Variants in TACR1 observed in about 807,000 individuals in gnomAD.
TACR1 encodes the protein substance-P receptor.
TACR1 carries 25 observed loss-of-function variants against 35.8 expected under a neutral mutation model. The observed-to-expected ratio is 0.70, with a 90% CI of 0.51 to 0.98. TACR1 has a LOEUF of 0.98. Among genes scored for constraint, TACR1 ranks in the 50% least tolerant of loss-of-function variants. The pLI is 0.00. For synonymous variants in TACR1, 195 were observed against 206.7 expected, an observed-to-expected ratio of 0.94 and a Z score of 0.48; for missense variants, 478 against 522.9, an observed-to-expected ratio of 0.91 and a Z score of 0.84.
At chr2:75,157,461 G>A (rs930673743) in intron 1 of TACR1, among the ~76,000 whole-genome samples, 2 of 152,160 alleles carry the variant, frequency 1.3e-5, no homozygotes, top group African/African-American at 4.8e-5. Context: ...GAAAATCAGA[G>A]CTTGCATTGT....
intron 1 of TACR1, among the ~76,000 whole-genome samples, chr2:75,140,951 C>T (rs1034727440): frequency 6.6e-6 from 1 of 152,130 alleles, no homozygotes; most frequent in Non-Finnish European, 1.5e-5. Flanking sequence ...TTTGATGGGT[C>T]CCATTGTGAC....
chr2:75,178,711 T>A (rs974853735), intron 1 of TACR1, among the ~76,000 whole-genome samples: 3 of 152,160 alleles, frequency 2.0e-5, no homozygotes, highest in Non-Finnish European at 4.4e-5. Context: ...CCAGTCTTGG[T>A]CCTCATTTTA....
chr2:75,149,405 C>G (rs988492247), intron 1 of TACR1, among the ~76,000 whole-genome samples: 1 of 152,238 alleles, frequency 6.6e-6, no homozygotes, highest in Admixed American at 6.5e-5. Context: ...TTTGTGTCCT[C>G]TCATTTCCTT....
intron 1 of TACR1, among the ~76,000 whole-genome samples, chr2:75,130,349 T>C (rs748548260): frequency 1.3e-5 from 2 of 152,230 alleles, no homozygotes; most frequent in Non-Finnish European, 2.9e-5. Context: ...TCTGTTGTGC[T>C]GCGTCCTGTG....
Position 75,159,202 on chromosome 2 carries a change from A to C in TACR1, c.390-38434T>G, listed in dbSNP as rs1572967244. ...AAGGTTCAGAAAGTATATCCTGAAC[A>C]CAAGCCCTCCTCAGTTACGTTATTT... On this transcript the variant is annotated intron_variant, in intron 1 of 4. Transcript: ENST00000305249. 3.3e-5 allele frequency among the ~76,000 whole-genome samples: 5 copies of C among 151,982 alleles called. No homozygotes were observed. The East Asian group carries it at 9.7e-4, about 29-fold the overall frequency.
chr2:75,198,209 A>C (rs1182980984), intron 1 of TACR1, among the ~76,000 whole-genome samples: 1 of 152,184 alleles, frequency 6.6e-6, no homozygotes. Flanking sequence ...GCAGCCTGCA[A>C]GGGTAAAGGG....
At chr2:75,188,607 A>C (rs1197444048) in intron 1 of TACR1, 1 of 152,228 alleles carries the variant, frequency 6.6e-6, no homozygotes, top group Non-Finnish European at 1.5e-5. Flanking sequence ...AATAAAGTGG[A>C]AGTGAAGGTG....
chr2:75,049,823 G>T, intron 4 of TACR1, 100 bp from the exon 5 acceptor site: 1 of 1,296,218 alleles, frequency 7.7e-7, no homozygotes, highest in Non-Finnish European at 1.0e-6. Flanking sequence ...ATACCCAAGC[G>T]TGATTCTGTT....
intron 1 of TACR1, among the ~76,000 whole-genome samples, chr2:75,141,030 A>C (rs547151209): frequency 6.6e-6 from 1 of 152,280 alleles, no homozygotes; most frequent in South Asian, 2.1e-4. Flanking sequence ...TCTCTCTTTT[A>C]TAAACTTCCA....
In TACR1 at chr2:75,049,654, C is replaced by T. The variant is rs759749512; in HGVS notation, c.1002G>A (p.Leu334=). The part of the protein sequence containing the change: ...PFISAGDYEG[L]EMKSTRYLQT... ...GGAGATACCGGGTGGATTTCATTTC[C>T]AGCCCCTCATAGTCGCCGGCGCTGA... is the stretch of plus-strand genomic sequence containing the variant. The change falls in exon 5 of 5, where the codon CTG becomes CTA. Residue 334 remains leucine, a synonymous_variant. Coordinates refer to ENST00000305249, the MANE Select transcript of TACR1 (RefSeq NM_001058.4). 1.2e-6 allele frequency: 2 copies of T among 1,614,160 alleles called. No homozygotes were observed. The highest frequency in any genetic ancestry group is 1.7e-5 in the Admixed American group (1 of 60,036).
chr2:75,132,890 G>A (rs1270451467), intron 1 of TACR1, among the ~76,000 whole-genome samples: 1 of 152,222 alleles, frequency 6.6e-6, no homozygotes, highest in Non-Finnish European at 1.5e-5. Flanking sequence ...ACTCTCAGAA[G>A]AGATTTTTTT....
rs1218169933 is a variant in TACR1 at position 75,046,932 on chromosome 2, T to G, written c.*2500A>C. 2 of 152,234 alleles carry G rather than the reference T, an allele frequency of 1.3e-5. No homozygotes were observed. The highest frequency in any genetic ancestry group is 2.9e-5 in the Non-Finnish European group (2 of 68,052). The allele number at this position is 152,234 out of a possible 1,614,324, so 9.4% of individuals were successfully genotyped here. On this transcript the variant is annotated 3_prime_UTR_variant, in exon 5 of 5. Coordinates refer to ENST00000305249, the MANE Select transcript of TACR1 (RefSeq NM_001058.4). Reference sequence around the variant, plus strand: ...ATTACACCAAGTAAACACACTTGGATAAACACAGGGTGATGCATTTCTAGA... The same window carrying G: ...ATTACACCAAGTAAACACACTTGGAGAAACACAGGGTGATGCATTTCTAGA...
chr2:75,128,798 TGAGCTAC>T (rs1674126961), intron 1 of TACR1, among the ~76,000 whole-genome samples: 2 of 152,212 alleles, frequency 1.3e-5, no homozygotes, highest in East Asian at 3.9e-4. Context: ...ACAACATTTG[TGAGCTAC>T]TGTTTTCTTC....
chr2:75,065,736 G>C (rs1335037430), intron 2 of TACR1, among the ~76,000 whole-genome samples: 1 of 152,192 alleles, frequency 6.6e-6, no homozygotes, highest in Non-Finnish European at 1.5e-5. Context: ...TTTAGAAACT[G>C]CTTCAATTGG....
chr2:75,073,381 T>C (rs1672918719), intron 2 of TACR1, among the ~76,000 whole-genome samples: 2 of 152,254 alleles, frequency 1.3e-5, no homozygotes, highest in South Asian at 4.1e-4. Flanking sequence ...GACTACCTGG[T>C]GACCAGGGCT....
intron 2 of TACR1, among the ~76,000 whole-genome samples, chr2:75,070,770 C>A (rs1672861900): frequency 6.6e-6 from 1 of 152,192 alleles, no homozygotes; most frequent in African/African-American, 2.4e-5. Flanking sequence ...GACAGGTAAG[C>A]AGGCTATGCA....
intron 1 of TACR1, among the ~76,000 whole-genome samples, chr2:75,137,532 T>C (rs745658452): frequency 1.3e-4 from 19 of 151,934 alleles, no homozygotes; most frequent in Middle Eastern, 6.9e-3. Context: ...GAGATCATCC[T>C]GGCTAACACA....
At chr2:75,166,545 C>G (rs1675147212) in intron 1 of TACR1, among the ~76,000 whole-genome samples, 2 of 152,216 alleles carry the variant, frequency 1.3e-5, no homozygotes, top group South Asian at 4.1e-4. Context: ...CCTCAAACCC[C>G]ACTCCCACAC....
intron 2 of TACR1, among the ~76,000 whole-genome samples, chr2:75,075,224 T>C (rs1479727596): frequency 6.6e-6 from 1 of 152,242 alleles, no homozygotes; most frequent in Non-Finnish European, 1.5e-5. Context: ...TAGGATAGCA[T>C]TTTACATTTA....
Sources: allele counts gnomAD v4.1 joint callset (sites outside exome capture counted in the v4.1 genomes callset), GRCh38; gene constraint gnomAD v4.1.1; transcripts MANE v1.5; gene names NCBI Gene and HGNC (gene_info 2026-07-23, HGNC 2026-07-21).